Variants in LRP1B observed in about 807,000 individuals in gnomAD.
The protein encoded by LRP1B is LDL receptor related protein 1B.
LRP1B carries 217 observed loss-of-function variants against 556.6 expected under a neutral mutation model. That is an observed-to-expected ratio of 0.39 (90% CI 0.35 to 0.44). The LOEUF is 0.44. LRP1B is among the 20% of genes least tolerant of loss of function. LRP1B has a pLI of 1.00. For missense variants in LRP1B, 5,053 were observed against 5,620.8 expected (o/e 0.90, Z 3.23); for synonymous variants, 2,047 against 1,865.8 (o/e 1.10, Z -2.50).
rs201831377 is a variant in LRP1B at position 140,520,415 on chromosome 2, T to G, written c.8027-3404A>C. On this transcript the variant is annotated intron_variant, in intron 49 of 90. Coordinates refer to ENST00000389484, the MANE Select transcript of LRP1B (RefSeq NM_018557.3). ...GTGGAAATTGAACAATGAGAACACTTGGACACAGGGCAGGGAACATCACAC... is the reference window on the plus strand; with the variant it reads ...GTGGAAATTGAACAATGAGAACACTGGGACACAGGGCAGGGAACATCACAC... 2.6e-5 allele frequency among the ~76,000 whole-genome samples: 4 copies of G among 152,052 alleles called. No individual in the cohort carries two copies. The East Asian group carries it at 7.8e-4, about 29-fold the overall frequency.
chr2:140,896,458 A>G (rs1377279605), intron 23 of LRP1B, among the ~76,000 whole-genome samples: 1 of 152,180 alleles, frequency 6.6e-6, no homozygotes, highest in Non-Finnish European at 1.5e-5. Context: ...GGAAAACTCA[A>G]GAGAAAAAAG....
chr2:140,884,375 G>T (rs1221135039), intron 24 of LRP1B, among the ~76,000 whole-genome samples: 1 of 152,064 alleles, frequency 6.6e-6, no homozygotes, highest in African/African-American at 2.4e-5. Flanking sequence ...ATGATATTCT[G>T]GTTAAAATCA....
At chr2:141,033,399 T>TA (rs1698436073) in intron 11 of LRP1B, among the ~76,000 whole-genome samples, 1 of 151,994 alleles carries the variant, frequency 6.6e-6, no homozygotes, top group Non-Finnish European at 1.5e-5. Flanking sequence ...ATTTAAAATT[T>TA]AAAAAACTAC....
chr2:140,631,836 T>A (rs911466985), intron 41 of LRP1B, among the ~76,000 whole-genome samples: 1 of 152,012 alleles, frequency 6.6e-6, no homozygotes, highest in Admixed American at 6.6e-5. Context: ...CTATCCACAA[T>A]AAGACATATC....
chr2:142,087,863 C>T (rs908316566), intron 1 of LRP1B, among the ~76,000 whole-genome samples: 1 of 152,026 alleles, frequency 6.6e-6, no homozygotes. Flanking sequence ...ACTATCTCTT[C>T]CTGCTTAAGA....
intron 6 of LRP1B, among the ~76,000 whole-genome samples, chr2:141,214,008 A>C (rs1316696380): frequency 6.6e-6 from 1 of 152,006 alleles, no homozygotes; most frequent in East Asian, 1.9e-4. Flanking sequence ...ATACTGTATT[A>C]GTTTTTACTT....
In LRP1B at chr2:141,401,779, A is replaced by G. The variant is rs190794371; in HGVS notation, c.343+78617T>C. Among the ~76,000 whole-genome samples the G allele has an allele frequency of 1.9e-3, 295 of 152,098 alleles. 1 individual carries two copies. Among genetic ancestry groups the G allele is most frequent in the Non-Finnish European group, 3.3e-3 (226 of 67,988 alleles). ...CAATTTCTTTATCACATTTTCATAC[A>G]GTGGGGGGAAAAATACCTGGCACTA... On this transcript the variant is annotated intron_variant, in intron 3 of 90. Transcript: ENST00000389484.
intron 1 of LRP1B, among the ~76,000 whole-genome samples, chr2:141,873,394 T>C (rs1460232943): frequency 1.3e-5 from 2 of 152,004 alleles, no homozygotes; most frequent in African/African-American, 4.8e-5. Context: ...AACCTATTTT[T>C]TGCATATTGT....
At chr2:141,890,597 T>C (rs1361528084) in intron 1 of LRP1B, among the ~76,000 whole-genome samples, 1 of 151,840 alleles carries the variant, frequency 6.6e-6, no homozygotes, top group Non-Finnish European at 1.5e-5. Flanking sequence ...ATGACTCTTT[T>C]TCATGAATAT....
intron 1 of LRP1B, among the ~76,000 whole-genome samples, chr2:142,066,305 CTA>C (rs1167761527): frequency 2.0e-5 from 3 of 151,304 alleles, no homozygotes; most frequent in African/African-American, 7.3e-5. Context: ...TTTGCTTACT[CTA>C]TGTCTCTCCT....
intron 7 of LRP1B, among the ~76,000 whole-genome samples, chr2:141,155,474 CTTT>C (rs10570965): frequency 0.42 from 62,902 of 150,092 alleles, 15,263 homozygotes; most frequent in Middle Eastern, 0.57. Context: ...TTATTTTTTT[CTTT>C]TTATTATTAT....
chr2:140,764,135 A>G (rs1689021021), intron 35 of LRP1B, among the ~76,000 whole-genome samples: 1 of 152,144 alleles, frequency 6.6e-6, no homozygotes, highest in Admixed American at 6.6e-5. Context: ...AATTTTGTAA[A>G]TAGTTTCTTT....
intron 1 of LRP1B, among the ~76,000 whole-genome samples, chr2:141,903,524 C>T (rs1699678698): frequency 6.6e-6 from 1 of 151,690 alleles, no homozygotes; most frequent in Non-Finnish European, 1.5e-5. Flanking sequence ...TTAGAAAATA[C>T]CAGCAAGAAA....
At chr2:141,294,027 T>G (rs145317402) in intron 3 of LRP1B, among the ~76,000 whole-genome samples, 31 of 152,298 alleles carry the variant, frequency 2.0e-4, no homozygotes, top group African/African-American at 7.5e-4. Flanking sequence ...ACTTAAAATT[T>G]AAAGCATAAC....
chr2:141,670,508 G>A (rs1272170914), intron 2 of LRP1B, among the ~76,000 whole-genome samples: 5 of 152,166 alleles, frequency 3.3e-5, no homozygotes, highest in Non-Finnish European at 7.3e-5. Context: ...TGGGCAAGGG[G>A]ATGACTGTAG....
intron 43 of LRP1B, among the ~76,000 whole-genome samples, chr2:140,563,240 A>G (rs1309612893): frequency 6.6e-6 from 1 of 152,074 alleles, no homozygotes; most frequent in East Asian, 1.9e-4. Flanking sequence ...GTGAAACAAC[A>G]GACAAAGTCT....
chr2:141,468,256 G>A lies in LRP1B; in HGVS notation c.343+12140C>T, dbSNP rs141750485. On this transcript the variant is annotated intron_variant, in intron 3 of 90. Coordinates refer to ENST00000389484, the MANE Select transcript of LRP1B (RefSeq NM_018557.3). ...TTACTGAAATGGAACTGAAGTCATT[G>A]GCGGAAAGGAGGACACAGGAGTCAA... Among the ~76,000 whole-genome samples the A allele has an allele frequency of 8.6e-4, 131 of 152,284 alleles. 1 individual carries two copies. In the East Asian group the frequency reaches 0.018, roughly 21 times the overall value.
At chr2:141,139,247 A>G (rs1210985019) in intron 7 of LRP1B, among the ~76,000 whole-genome samples, 1 of 151,916 alleles carries the variant, frequency 6.6e-6, no homozygotes, top group East Asian at 1.9e-4. Context: ...TAAAGTCCTG[A>G]ACTATAAAAC....
chr2:141,116,717 A>G (rs1700908318), intron 7 of LRP1B, among the ~76,000 whole-genome samples: 1 of 114,952 alleles, frequency 8.7e-6, no homozygotes, highest in Non-Finnish European at 1.9e-5. Flanking sequence ...AGGCAGGAAC[A>G]GATCTGAATG....
Sources: gnomAD v4.1 joint callset for allele counts (sites outside exome capture counted in the v4.1 genomes callset) on GRCh38, gnomAD v4.1.1 for gene constraint, MANE v1.5 for transcripts, NCBI Gene and HGNC (gene_info 2026-07-23, HGNC 2026-07-21) for gene names.